Variants in CSMD1 observed in about 807,000 individuals in gnomAD.
CSMD1 encodes the protein CUB and sushi domain-containing protein 1.
A neutral mutation model predicts 417.5 loss-of-function variants in CSMD1; 213 were observed. The ratio of observed to expected loss-of-function variants is 0.51; its 90% CI spans 0.46 to 0.57. CSMD1 has a LOEUF of 0.57. CSMD1 is among the 20% of genes least tolerant of loss of function. CSMD1 has a pLI of 0.00. For synonymous variants in CSMD1, 2,862 were observed against 1,736.8 expected (o/e 1.65, Z -16.11); for missense variants, 6,923 against 4,529.7 (o/e 1.53, Z -15.17).
Position 4,754,339 on chromosome 8 carries a change from C to G in CSMD1, c.86-116781G>C, listed in dbSNP as rs528926639. 3.2e-4 allele frequency among the ~76,000 whole-genome samples: 49 copies of G among 152,254 alleles called. 1 individual carries two copies. In the South Asian group the frequency reaches 9.3e-3, roughly 29 times the overall value. ...ATTTGACCAACATTCAACTTGAAAC[C>G]TTGTGTTCTGGCTACAGCGCTATCC... On this transcript the variant is annotated intron_variant, in intron 1 of 69. Coordinates refer to ENST00000635120, the MANE Select transcript of CSMD1 (RefSeq NM_033225.6).
chr8:4,184,797 G>T (rs556001547), intron 3 of CSMD1, among the ~76,000 whole-genome samples: 2 of 151,924 alleles, frequency 1.3e-5, no homozygotes, highest in Admixed American at 1.3e-4. Flanking sequence ...TGTGACACAG[G>T]TTTACTTATA....
chr8:3,773,338 C>T (rs983068735), intron 5 of CSMD1, among the ~76,000 whole-genome samples: 1 of 152,148 alleles, frequency 6.6e-6, no homozygotes, highest in African/African-American at 2.4e-5. Context: ...GGCTGGAGTG[C>T]AGTGGTGCAC....
chr8:3,110,247 A>C lies in CSMD1; in HGVS notation c.6519T>G (p.Ile2173Met), dbSNP rs766030782. 3.7e-6 allele frequency: 6 copies of C among 1,613,542 alleles called. No individual in the cohort carries two copies. The Admixed American group carries it at 6.7e-5, about 18-fold the overall frequency. ...PDEYPILKDC[I>M]WLITVPPGHG... ...GCCCTGGAGGCACCGTGATGAGCCAAATGCAGTCCTTCAGGATCGGATACT... is the reference window on the plus strand; with the variant it reads ...GCCCTGGAGGCACCGTGATGAGCCACATGCAGTCCTTCAGGATCGGATACT... Residue 2173 changes from isoleucine to methionine, a missense_variant, in exon 43 of 70, where the codon ATT becomes ATG. Ile to Met is a conservative substitution (Grantham distance 10). Transcript: ENST00000635120.
intron 66 of CSMD1, 120 bp downstream of exon 66, chr8:2,950,994 A>G (rs1802587675): frequency 1.0e-6 from 1 of 953,562 alleles, no homozygotes; most frequent in Non-Finnish European, 1.5e-6. Context: ...GAGTTACAGT[A>G]TATACAAAGC....
Position 4,183,886 on chromosome 8 carries a change from G to C in CSMD1, c.416-151787C>G, listed in dbSNP as rs148529113. Among the ~76,000 whole-genome samples the C allele has an allele frequency of 1.9e-3, 296 of 152,284 alleles. 1 individual carries two copies. Among genetic ancestry groups the C allele is most frequent in the African/African-American group, 6.9e-3 (288 of 41,566 alleles). ...TCAGTGAGTTTTTTAGTTGGGGCAT[G>C]TGGACAGTTTGGCCACAGCTTGGGG... is the stretch of plus-strand genomic sequence containing the variant. On this transcript the variant is annotated intron_variant, in intron 3 of 69. Transcript: ENST00000635120.
At chr8:4,078,533 G>A (rs1280026259) in intron 3 of CSMD1, among the ~76,000 whole-genome samples, 1 of 151,552 alleles carries the variant, frequency 6.6e-6, no homozygotes, top group South Asian at 2.1e-4. Context: ...CAAAGTGCTG[G>A]GATTACAGGG....
At chr8:3,502,934 A>T (rs935076560) in intron 10 of CSMD1, among the ~76,000 whole-genome samples, 1 of 152,132 alleles carries the variant, frequency 6.6e-6, no homozygotes, top group Non-Finnish European at 1.5e-5. Context: ...TAACAAACAC[A>T]CCATGCTGAA....
chr8:4,844,653 T>C (rs1050285050), intron 1 of CSMD1, among the ~76,000 whole-genome samples: 13 of 152,182 alleles, frequency 8.5e-5, no homozygotes, highest in Non-Finnish European at 1.6e-4. Context: ...AAAAATATAA[T>C]TTTTTAGGAT....
chr8:4,088,970 C>G lies in CSMD1; in HGVS notation c.416-56871G>C, dbSNP rs140436523. On this transcript the variant is annotated intron_variant, in intron 3 of 69. Transcript: ENST00000635120. ...TGAATTCCACGAAGGGTCACACACC[C>G]CTGTTCTGTGCTCCCTTGGTGCATA... is the stretch of plus-strand genomic sequence containing the variant. 1.9e-3 allele frequency among the ~76,000 whole-genome samples: 282 copies of G among 152,138 alleles called. 5 individuals carry two copies. In the East Asian group the frequency reaches 0.019, roughly 10 times the overall value.
At chr8:4,536,760 C>A (rs1172115658) in intron 2 of CSMD1, among the ~76,000 whole-genome samples, 1 of 152,110 alleles carries the variant, frequency 6.6e-6, no homozygotes, top group African/African-American at 2.4e-5. Flanking sequence ...TGAATAGATT[C>A]CTGGAACTTA....
At chr8:4,927,087 CATT>C (rs142803606) in intron 1 of CSMD1, among the ~76,000 whole-genome samples, 20,558 of 143,340 alleles carry the variant, frequency 0.14, 1,540 homozygotes, top group South Asian at 0.19. Context: ...GCTTTCAATG[CATT>C]ATTATTATTA....
At chr8:4,393,128 A>C (rs1409582266) in intron 3 of CSMD1, among the ~76,000 whole-genome samples, 2 of 151,768 alleles carry the variant, frequency 1.3e-5, no homozygotes, top group Admixed American at 6.6e-5. Flanking sequence ...GGCGTGTGCC[A>C]CCACGCCCGA....
chr8:3,374,512 T>A (rs746534431), intron 18 of CSMD1, among the ~76,000 whole-genome samples: 12 of 152,154 alleles, frequency 7.9e-5, no homozygotes, highest in Non-Finnish European at 1.5e-4. Context: ...AGAACAAGAA[T>A]ATTAAGTTGC....
chr8:4,297,621 G>A (rs1376675784), intron 3 of CSMD1, among the ~76,000 whole-genome samples: 1 of 152,040 alleles, frequency 6.6e-6, no homozygotes, highest in South Asian at 2.1e-4. Flanking sequence ...GCCTGAAATT[G>A]AACTTGACCT....
Position 3,795,236 on chromosome 8 carries a change from T to TA in CSMD1, c.819-41195dup, listed in dbSNP as rs1235323747. ...CCTATCATGTACAGATATAGATATA[T>TA]ATCTATCATGTACACATATAGATAT... On this transcript the variant is annotated intron_variant, in intron 5 of 69. Coordinates refer to ENST00000635120, the MANE Select transcript of CSMD1 (RefSeq NM_033225.6). 1.8e-5 allele frequency among the ~76,000 whole-genome samples: 2 copies of TA among 111,820 alleles called. 1 individual carries two copies. Among genetic ancestry groups the TA allele is most frequent in the East Asian group, 5.9e-4 (2 of 3,416 alleles). 73.4% of individuals were successfully genotyped at this position (111,820 alleles called of 152,430 possible). A position where few individuals can be genotyped will look rare whatever the true frequency, so the allele number is the denominator to read the frequency against.
rs535402023 is a variant in CSMD1 at position 3,197,542 on chromosome 8, T to C, written c.5194+2172A>G. 4.0e-3 allele frequency among the ~76,000 whole-genome samples: 600 copies of C among 149,546 alleles called. 1 individual carries two copies. The highest frequency in any genetic ancestry group is 5.4e-3 in the Non-Finnish European group (364 of 67,716). ...GTGCAGTGGCGCGATCTCCACTCAC[T>C]GCAAGCTCCGCCTCCCGGGTTCACG... On this transcript the variant is annotated intron_variant, in intron 33 of 69. Coordinates refer to ENST00000635120, the MANE Select transcript of CSMD1 (RefSeq NM_033225.6).
intron 1 of CSMD1, among the ~76,000 whole-genome samples, chr8:4,782,460 CTTTAGA>C (rs1333780083): frequency 1.3e-5 from 2 of 152,094 alleles, no homozygotes. Context: ...AATTTGAACA[CTTTAGA>C]TTTAAAGAAA....
intron 7 of CSMD1, among the ~76,000 whole-genome samples, chr8:3,619,159 A>G (rs904689230): frequency 7.2e-5 from 11 of 152,318 alleles, no homozygotes; most frequent in Non-Finnish European, 7.3e-5. Context: ...ATTCTTTGGA[A>G]TATTAATATG....
At position 3,543,548 on chromosome 8, in the gene CSMD1, A is replaced by G. The variant is rs35047635; in HGVS notation, c.1344+31397T>C. Among the ~76,000 whole-genome samples the G allele has an allele frequency of 7.5e-3, 1,139 of 152,236 alleles. 16 individuals are homozygous for G. Among genetic ancestry groups the G allele is most frequent in the African/African-American group, 0.026 (1,072 of 41,542 alleles). ...TGGATCCCCAACATGATGGAAAATG[A>G]ACAGAGTGTATGGGTCTGCTGATGA... On this transcript the variant is annotated intron_variant, in intron 10 of 69. Coordinates refer to ENST00000635120, the MANE Select transcript of CSMD1 (RefSeq NM_033225.6).
Sources: allele counts gnomAD v4.1 joint callset (sites outside exome capture counted in the v4.1 genomes callset), GRCh38; gene constraint gnomAD v4.1.1; transcripts MANE v1.5; gene names NCBI Gene and HGNC (gene_info 2026-07-23, HGNC 2026-07-21).